MTA3: variants seen among roughly 807,000 people sequenced by gnomAD.
The protein encoded by MTA3 is metastasis-associated protein MTA3.
MTA3 carries 34 observed loss-of-function variants against 83.5 expected under a neutral mutation model. The observed-to-expected ratio is 0.41, with a 90% CI of 0.31 to 0.54. The LOEUF (loss-of-function observed/expected upper bound fraction) is 0.54, where lower values mean the gene tolerates loss of function less well. MTA3 is among the 20% of genes least tolerant of loss of function. The pLI is 0.33. For missense variants in MTA3, 761 were observed against 726.4 expected (o/e 1.05, Z -0.55); for synonymous variants, 303 against 252.7 (o/e 1.20, Z -1.89).
intron 2 of MTA3, among the ~76,000 whole-genome samples, chr2:42,513,479 T>TTCAC (rs1674991728): frequency 6.6e-6 from 1 of 152,102 alleles, no homozygotes; most frequent in Non-Finnish European, 1.5e-5. Flanking sequence ...AGGGATAGAC[T>TTCAC]CCAAGTGAAG....
chr2:42,497,208 A>C (rs1476550182), intron 2 of MTA3, among the ~76,000 whole-genome samples: 2 of 152,002 alleles, frequency 1.3e-5, no homozygotes, highest in South Asian at 2.1e-4. Context: ...CTCCTCTTGA[A>C]ACTAGAGGTT....
rs867695505 is a variant in MTA3 at position 42,597,331 on chromosome 2, T to C, written c.191-12127T>C. ...CCTACTGCCTAATCCTCCCAAGGTGTTGGGATTACAGGAGTGAGCCACTGC... is the reference window on the plus strand; with the variant it reads ...CCTACTGCCTAATCCTCCCAAGGTGCTGGGATTACAGGAGTGAGCCACTGC... On this transcript the variant is annotated intron_variant, in intron 3 of 16. Coordinates refer to ENST00000405094, the MANE Select transcript of MTA3 (RefSeq NM_001330442.2). 5.9e-5 allele frequency among the ~76,000 whole-genome samples: 9 copies of C among 151,306 alleles called. No individual in the cohort carries two copies. The South Asian group carries it at 1.7e-3, about 28-fold the overall frequency.
At chr2:42,561,786 A>G (rs1449325812) in intron 2 of MTA3, among the ~76,000 whole-genome samples, 1 of 152,032 alleles carries the variant, frequency 6.6e-6, no homozygotes, top group Non-Finnish European at 1.5e-5. Flanking sequence ...TTATTCTATT[A>G]TTCTGTTTCT....
In MTA3 at chr2:42,600,022, C is replaced by T. The variant is rs565345843; in HGVS notation, c.191-9436C>T. On this transcript the variant is annotated intron_variant, in intron 3 of 16. Transcript: ENST00000405094. ...CCATCCTGGCTAACACAGTGAAACC[C>T]TGTCTGTACTAAAAATACAAAAAAA... 5.1e-5 allele frequency among the ~76,000 whole-genome samples: 7 copies of T among 137,184 alleles called. No individual in the cohort carries two copies. The East Asian group carries it at 1.4e-3, about 28-fold the overall frequency. The allele number at this position is 137,184 out of a possible 152,430, so 90.0% of individuals were successfully genotyped here. A position where few individuals can be genotyped will look rare whatever the true frequency, so the allele number is the denominator to read the frequency against.
At chr2:42,636,351 G>A (rs1453138158) in intron 4 of MTA3, among the ~76,000 whole-genome samples, 1 of 151,910 alleles carries the variant, frequency 6.6e-6, no homozygotes, top group Non-Finnish European at 1.5e-5. Flanking sequence ...AGCAGCCTGG[G>A]AAACATAGCA....
upstream of MTA3, among the ~76,000 whole-genome samples, chr2:42,566,700 A>T (rs759957323): frequency 3.3e-5 from 5 of 152,218 alleles, no homozygotes; most frequent in African/African-American, 4.8e-5. Context: ...TGAGACAGGC[A>T]CACAATGAAT....
intron 8 of MTA3, among the ~76,000 whole-genome samples, chr2:42,672,921 A>C (rs1213999042): frequency 6.8e-6 from 1 of 147,678 alleles, no homozygotes; most frequent in Non-Finnish European, 1.5e-5. Flanking sequence ...ATCTCAGCTC[A>C]CTGCTACCTC....
chr2:42,519,254 A>T (rs1414476966), intron 2 of MTA3, among the ~76,000 whole-genome samples: 1 of 152,094 alleles, frequency 6.6e-6, no homozygotes, highest in African/African-American at 2.4e-5. Context: ...ATCCCAATAG[A>T]GGGACATTCT....
In MTA3 at chr2:42,517,864, CAAA is replaced by C. The variant is rs386390061; in HGVS notation, c.-141+22625_-141+22627del. ...ACTGCACTCCAGTGAGACTCTGTCTCAAAAAAAAAAAAAAAAAGAAGAAAAGAA... is the reference window on the plus strand; with the variant it reads ...ACTGCACTCCAGTGAGACTCTGTCTCAAAAAAAAAAAAAAGAAGAAAAGAA... On this transcript the variant is annotated intron_variant, in intron 2 of 17. Transcript: ENST00000405592. Among the ~76,000 whole-genome samples the C allele has an allele frequency of 1.0e-4, 10 of 95,246 alleles. No individual in the cohort carries two copies. In the East Asian group the frequency reaches 1.9e-3, roughly 18 times the overall value. 62.5% of individuals were successfully genotyped at this position (95,246 alleles called of 152,430 possible).
At chr2:42,507,083 T>C (rs1674668831) in intron 2 of MTA3, among the ~76,000 whole-genome samples, 1 of 152,178 alleles carries the variant, frequency 6.6e-6, no homozygotes, top group Admixed American at 6.6e-5. Context: ...TAATTTTTTG[T>C]AGAGAGAAGG....
chr2:42,505,729 G>A (rs1674599107), intron 2 of MTA3, among the ~76,000 whole-genome samples: 1 of 151,898 alleles, frequency 6.6e-6, no homozygotes, highest in African/African-American at 2.4e-5. Flanking sequence ...AGGGCAAGTG[G>A]GTGGGAATAT....
intron 16 of MTA3, among the ~76,000 whole-genome samples, chr2:42,734,470 CTTTTTTTT>C (rs3040123): frequency 4.8e-5 from 4 of 82,480 alleles, no homozygotes; most frequent in Non-Finnish European, 6.7e-5. Context: ...ATCACGGGGC[CTTTTTTTT>C]TTTTTTTTTT....
chr2:42,646,231 C>G (rs4953530), intron 6 of MTA3, among the ~76,000 whole-genome samples: 1 of 152,114 alleles, frequency 6.6e-6, no homozygotes, highest in African/African-American at 2.4e-5. Context: ...ATAATGCTCC[C>G]CTTCACCCAA....
chr2:42,511,142 G>A (rs980880112), intron 2 of MTA3, among the ~76,000 whole-genome samples: 1 of 152,170 alleles, frequency 6.6e-6, no homozygotes, highest in African/African-American at 2.4e-5. Flanking sequence ...TTTGACTGAA[G>A]TGAAGTGTAT....
intron 2 of MTA3, among the ~76,000 whole-genome samples, chr2:42,506,500 C>T (rs904178075): frequency 2.6e-5 from 4 of 151,696 alleles, no homozygotes; most frequent in Admixed American, 6.6e-5. Context: ...AATGTTAACA[C>T]CTTGGACTTC....
At chr2:42,575,665 C>G (rs559031694) in intron 2 of MTA3, among the ~76,000 whole-genome samples, 3 of 152,298 alleles carry the variant, frequency 2.0e-5, no homozygotes, top group African/African-American at 7.2e-5. Context: ...GCATGGTGCT[C>G]TGGAAACCTA....
intron 16 of MTA3, among the ~76,000 whole-genome samples, chr2:42,743,496 A>G (rs1468105654): frequency 1.3e-5 from 2 of 152,208 alleles, no homozygotes; most frequent in African/African-American, 2.4e-5. Context: ...AGCCAGGGAA[A>G]GTGATGAATT....
intron 4 of MTA3, among the ~76,000 whole-genome samples, chr2:42,623,871 T>C (rs1685818385): frequency 6.6e-6 from 1 of 152,170 alleles, no homozygotes; most frequent in African/African-American, 2.4e-5. Context: ...TTTTGTATTT[T>C]AAGTAGAGAC....
chr2:42,531,445 C>CTTTTTTTTTTT lies in MTA3; in HGVS notation c.-141+36206_-141+36216dup, dbSNP rs10659582. ...TTTTAGTAGGATTCAGAAGCAAACT[C>CTTTTTTTTTTT]TTTTTTTTTTTTTTTTTTTTTTTTT... is the stretch of plus-strand genomic sequence containing the variant. On this transcript the variant is annotated intron_variant, in intron 2 of 17. Coordinates refer to the MTA3 transcript ENST00000405592. 4.2e-4 allele frequency among the ~76,000 whole-genome samples: 32 copies of CTTTTTTTTTTT among 75,356 alleles called. 3 individuals carry two copies. The highest frequency in any genetic ancestry group is 7.5e-4 in the Admixed American group (4 of 5,348). The allele number at this position is 75,356 out of a possible 152,430, so 49.4% of individuals were successfully genotyped here. A position where few individuals can be genotyped will look rare whatever the true frequency, so the allele number is the denominator to read the frequency against.
Sources: gnomAD v4.1 joint callset for allele counts (sites outside exome capture counted in the v4.1 genomes callset) on GRCh38, gnomAD v4.1.1 for gene constraint, MANE v1.5 for transcripts, NCBI Gene and HGNC (gene_info 2026-07-23, HGNC 2026-07-21) for gene names.